TBC1D5: variants seen among roughly 807,000 people sequenced by gnomAD.
The protein encoded by TBC1D5 is TBC1 domain family member 5, also known as TBC1 domain family, member 5.
Under a neutral mutation model 100.3 loss-of-function variants are expected in TBC1D5, and 75 were observed. The ratio of observed to expected loss-of-function variants is 0.75; its 90% CI spans 0.62 to 0.91. The LOEUF (loss-of-function observed/expected upper bound fraction) is 0.91, where lower values mean the gene tolerates loss of function less well. TBC1D5 is among the 40% of genes least tolerant of loss of function. TBC1D5 has a pLI of 0.00. For synonymous variants in TBC1D5, 323 were observed against 325.6 expected, an observed-to-expected ratio of 0.99 and a Z score of 0.09; for missense variants, 910 against 942.4, an observed-to-expected ratio of 0.97 and a Z score of 0.45.
In TBC1D5 at chr3:17,676,553, T is replaced by C. The variant is rs912256103; in HGVS notation, c.-100-52640A>G. Among the ~76,000 whole-genome samples, 3 of 152,068 alleles carry C rather than the reference T, an allele frequency of 2.0e-5. No homozygotes were observed. The South Asian group carries it at 6.2e-4, about 31-fold the overall frequency. ...CATGCTCTTGGATAGGAAGAATCAA[T>C]ATCGTGAAAATGGCCATACTGCCCA... On this transcript the variant is annotated intron_variant, in intron 1 of 21. Transcript: ENST00000253692.
At chr3:17,616,895 G>A (rs1667837335) in intron 2 of TBC1D5, among the ~76,000 whole-genome samples, 1 of 152,106 alleles carries the variant, frequency 6.6e-6, no homozygotes, top group African/African-American at 2.4e-5. Flanking sequence ...TACATTTAAG[G>A]TTAATATTGT....
At position 17,181,952 on chromosome 3, in the gene TBC1D5, C is replaced by G. The variant is rs140673300; in HGVS notation, c.1852+3157G>C. 8.9e-3 allele frequency among the ~76,000 whole-genome samples: 1,356 copies of G among 152,036 alleles called. 16 individuals are homozygous for G. The highest frequency in any genetic ancestry group is 0.031 in the African/African-American group (1,271 of 41,468). On this transcript the variant is annotated intron_variant, in intron 19 of 21. Transcript: ENST00000253692. The stretch of plus-strand genomic sequence containing the variant: ...TATTCAATCCCTTACTAATGAACAC[C>G]TTAGTCCTTCCAATTTTGTTCTCCT...
intron 8 of TBC1D5, 85 bp from the exon 9 acceptor site, chr3:17,384,100 G>T: frequency 8.5e-7 from 1 of 1,175,888 alleles, no homozygotes; most frequent in Admixed American, 2.1e-5. Flanking sequence ...ACGTGCCAAG[G>T]GCTGCTTCAG....
intron 2 of TBC1D5, among the ~76,000 whole-genome samples, chr3:17,549,091 A>G (rs887127119): frequency 6.7e-6 from 1 of 149,212 alleles, no homozygotes; most frequent in African/African-American, 2.5e-5. Context: ...TGAGGTCAGG[A>G]GTTAGAGACC....
intron 3 of TBC1D5, among the ~76,000 whole-genome samples, chr3:17,478,747 A>T (rs772131887): frequency 6.6e-6 from 1 of 152,124 alleles, no homozygotes; most frequent in Non-Finnish European, 1.5e-5. Flanking sequence ...GAAATCCTGA[A>T]ACCTGGCAGT....
At chr3:17,252,827 C>T (rs2077289382) in intron 16 of TBC1D5, among the ~76,000 whole-genome samples, 1 of 152,212 alleles carries the variant, frequency 6.6e-6, no homozygotes, top group Admixed American at 6.5e-5. Context: ...ATCTTTTTCA[C>T]TGATGTTCTC....
intron 14 of TBC1D5, among the ~76,000 whole-genome samples, chr3:17,304,568 C>T (rs1021659684): frequency 6.6e-6 from 1 of 152,114 alleles, no homozygotes; most frequent in African/African-American, 2.4e-5. Flanking sequence ...CCACTATACC[C>T]GGCCAAATTT....
At chr3:17,651,254 G>A (rs1410528050) in intron 1 of TBC1D5, among the ~76,000 whole-genome samples, 1 of 151,906 alleles carries the variant, frequency 6.6e-6, no homozygotes, top group East Asian at 1.9e-4. Context: ...CCAGCTTTAT[G>A]GAAAAATAAG....
At chr3:17,536,826 A>G (rs1047482149) in intron 2 of TBC1D5, among the ~76,000 whole-genome samples, 1 of 152,202 alleles carries the variant, frequency 6.6e-6, no homozygotes, top group African/African-American at 2.4e-5. Flanking sequence ...CAGCTGGTTG[A>G]GAGAGTTAAG....
intron 13 of TBC1D5, among the ~76,000 whole-genome samples, chr3:17,325,472 C>A (rs909408508): frequency 6.6e-6 from 1 of 151,894 alleles, no homozygotes; most frequent in Non-Finnish European, 1.5e-5. Context: ...TACAGGCATG[C>A]GCCTCCATGC....
chr3:17,531,620 C>T (rs1234966413), intron 2 of TBC1D5, among the ~76,000 whole-genome samples: 4 of 152,164 alleles, frequency 2.6e-5, no homozygotes, highest in Non-Finnish European at 4.4e-5. Context: ...CAGCATGGTA[C>T]TGGTACCAAA....
chr3:17,203,412 G>A (rs2071736558), intron 18 of TBC1D5, among the ~76,000 whole-genome samples: 1 of 152,150 alleles, frequency 6.6e-6, no homozygotes, highest in Non-Finnish European at 1.5e-5. Flanking sequence ...TCTGGACTGT[G>A]GACTTTCGAG....
chr3:17,229,676 T>C (rs2075249035), intron 17 of TBC1D5, among the ~76,000 whole-genome samples: 1 of 152,026 alleles, frequency 6.6e-6, no homozygotes, highest in African/African-American at 2.4e-5. Flanking sequence ...GCTCTTATTC[T>C]CTCTTTACAA....
At chr3:17,186,456 C>T (rs756215714) in intron 18 of TBC1D5, among the ~76,000 whole-genome samples, 4 of 151,866 alleles carry the variant, frequency 2.6e-5, no homozygotes, top group Non-Finnish European at 5.9e-5. Flanking sequence ...TGCCTGTAAT[C>T]CCAGCACTTT....
chr3:17,600,640 A>G (rs2060870775), intron 2 of TBC1D5, among the ~76,000 whole-genome samples: 1 of 152,214 alleles, frequency 6.6e-6, no homozygotes, highest in African/African-American at 2.4e-5. Context: ...AATTATAAAA[A>G]TGATGTCATA....
chr3:17,312,768 C>T (rs2084188805), intron 13 of TBC1D5, among the ~76,000 whole-genome samples: 1 of 152,166 alleles, frequency 6.6e-6, no homozygotes, highest in East Asian at 1.9e-4. Context: ...GTGTTTGAAG[C>T]TGTTTTGTCA....
intron 3 of TBC1D5, among the ~76,000 whole-genome samples, chr3:17,461,119 G>A (rs1309903164): frequency 6.6e-6 from 1 of 152,176 alleles, no homozygotes; most frequent in African/African-American, 2.4e-5. Flanking sequence ...CCTACTGTAA[G>A]TTGATTCCAG....
chr3:17,214,448 T>C, intron 17 of TBC1D5, 78 bp from the exon 19 acceptor site: 5 of 1,445,056 alleles, frequency 3.5e-6, no homozygotes, highest in East Asian at 2.4e-5. Context: ...TTTTAATAAA[T>C]GATGATCAAT....
At chr3:17,404,638 A>G (rs2093722839) in intron 7 of TBC1D5, 56 bp downstream of exon 7, 1 of 1,487,556 alleles carries the variant, frequency 6.7e-7, no homozygotes, top group Non-Finnish European at 9.1e-7. Context: ...AACCAGTCAT[A>G]TAAACATATT....
Sources: gnomAD v4.1 joint callset for allele counts (sites outside exome capture counted in the v4.1 genomes callset) on GRCh38, gnomAD v4.1.1 for gene constraint, MANE v1.5 for transcripts, NCBI Gene and HGNC (gene_info 2026-07-23, HGNC 2026-07-21) for gene names.